The following IGF1R variants were observed in gnomAD, a reference collection of about 807,000 sequenced individuals.
IGF1R encodes the protein insulin-like growth factor 1 receptor.
Under a neutral mutation model 144.6 loss-of-function variants are expected in IGF1R, and 44 were observed. The observed-to-expected ratio is 0.30, with a 90% confidence interval of 0.24 to 0.39. The LOEUF (loss-of-function observed/expected upper bound fraction) is 0.39, where lower values mean the gene tolerates loss of function less well. Ranked by LOEUF, IGF1R falls within the 10% of genes least tolerant of loss-of-function variation. The probability of loss-of-function intolerance (pLI) is 1.00; values close to 1 mark genes in which losing one functional copy is unlikely to be tolerated. For missense variants in IGF1R, 1,355 were observed against 1,833.7 expected (o/e 0.74, Z 4.77); for synonymous variants, 795 against 722.8 (o/e 1.10, Z -1.60).
intron 1 of IGF1R, chr15:98,651,014 G>A (rs1314686744): frequency 3.0e-6 from 3 of 985,164 alleles, no homozygotes; most frequent in Admixed American, 6.2e-5. Context: ...AAGATGGTAG[G>A]GTAATTTGAA....
intron 2 of IGF1R, among the ~76,000 whole-genome samples, chr15:98,764,098 A>T (rs1039397024): frequency 6.6e-6 from 1 of 152,222 alleles, no homozygotes; most frequent in East Asian, 1.9e-4. Context: ...ATAAATAGAC[A>T]TTTAGTTTGC....
rs1438173977 is a variant in IGF1R, at chr15:98,963,731, G to C, written c.*6289G>C. 4.3e-6 allele frequency: 1 copy of C among 233,108 alleles called. No individual in the cohort carries two copies. The highest frequency in any genetic ancestry group is 8.5e-6 in the Non-Finnish European group (1 of 118,002). 14.4% of individuals were successfully genotyped at this position (233,108 alleles called of 1,614,324 possible). On this transcript the variant is annotated 3_prime_UTR_variant, in exon 21 of 21. Coordinates refer to ENST00000650285, the MANE Select transcript of IGF1R (RefSeq NM_000875.5). The stretch of plus-strand genomic sequence containing the variant: ...ATCATGACTGATTACTGCTTTGTTA[G>C]AACACAGAAGAGACCCTATTTTATT...
chr15:98,819,343 A>G (rs775149771), intron 2 of IGF1R, among the ~76,000 whole-genome samples: 10 of 152,194 alleles, frequency 6.6e-5, no homozygotes, highest in South Asian at 2.1e-4. Flanking sequence ...CCAGTAATCT[A>G]TGCATTGAAA....
intron 2 of IGF1R, among the ~76,000 whole-genome samples, chr15:98,806,344 A>G (rs1198658495): frequency 6.6e-6 from 1 of 152,176 alleles, no homozygotes; most frequent in African/African-American, 2.4e-5. Flanking sequence ...CCGAGGGCGC[A>G]CGAAGTGCTG....
intron 1 of IGF1R, among the ~76,000 whole-genome samples, chr15:98,689,234 CTTTTTTTTTTTT>C (rs890361771): frequency 9.9e-6 from 1 of 100,922 alleles, no homozygotes; most frequent in Non-Finnish European, 1.9e-5. Flanking sequence ...AGTTGCACTA[CTTTTTTTTTTTT>C]TTTTTTTTTT....
chr15:98,741,239 T>TTG (rs2054735177), intron 2 of IGF1R, among the ~76,000 whole-genome samples: 1 of 144,058 alleles, frequency 6.9e-6, no homozygotes. Flanking sequence ...CCTGAGCTTT[T>TTG]TTTTTTTTTT....
chr15:98,871,231 C>CT (rs1350290014), intron 2 of IGF1R, among the ~76,000 whole-genome samples: 1 of 152,234 alleles, frequency 6.6e-6, no homozygotes, highest in East Asian at 1.9e-4. Context: ...CTTTGAGTAA[C>CT]CTCTGATTGA....
intron 2 of IGF1R, among the ~76,000 whole-genome samples, chr15:98,841,158 AG>A (rs2011167731): frequency 6.6e-6 from 1 of 152,330 alleles, no homozygotes; most frequent in African/African-American, 2.4e-5. Flanking sequence ...CAGGGTACGA[AG>A]AAAAAAGAAA....
At chr15:98,839,220 C>T (rs992130024) in intron 2 of IGF1R, among the ~76,000 whole-genome samples, 3 of 152,230 alleles carry the variant, frequency 2.0e-5, no homozygotes, top group Non-Finnish European at 4.4e-5. Context: ...TTTATCCCCA[C>T]TTTAGAGACA....
At chr15:98,897,114 C>T (rs904877608) in intron 4 of IGF1R, among the ~76,000 whole-genome samples, 2 of 152,088 alleles carry the variant, frequency 1.3e-5, no homozygotes, top group African/African-American at 2.4e-5. Context: ...GCCATTGGCA[C>T]GTCATTTATT....
chr15:98,764,270 A>G (rs1330777154), intron 2 of IGF1R, among the ~76,000 whole-genome samples: 1 of 152,230 alleles, frequency 6.6e-6, no homozygotes, highest in Non-Finnish European at 1.5e-5. Flanking sequence ...CTTGTAATTT[A>G]TAATGGAATG....
intron 2 of IGF1R, among the ~76,000 whole-genome samples, chr15:98,740,129 G>A (rs918244677): frequency 6.6e-6 from 1 of 152,098 alleles, no homozygotes; most frequent in African/African-American, 2.4e-5. Context: ...TATTTACTTC[G>A]GAAAATAAAA....
At chr15:98,697,717 C>T (rs1339748143) in intron 1 of IGF1R, among the ~76,000 whole-genome samples, 3 of 152,192 alleles carry the variant, frequency 2.0e-5, no homozygotes, top group Admixed American at 6.5e-5. Flanking sequence ...TGGTGAAATA[C>T]GTATGACATA....
intron 2 of IGF1R, among the ~76,000 whole-genome samples, chr15:98,778,435 T>G (rs1284680913): frequency 6.6e-6 from 1 of 152,200 alleles, no homozygotes; most frequent in African/African-American, 2.4e-5. Flanking sequence ...ATCCTTCCAC[T>G]TCACAGATGA....
intron 19 of IGF1R, among the ~76,000 whole-genome samples, chr15:98,945,647 G>C (rs1423039886): frequency 6.6e-6 from 1 of 152,128 alleles, no homozygotes; most frequent in Non-Finnish European, 1.5e-5. Context: ...GTGTGGCCTT[G>C]GTTAAACCTC....
chr15:98,728,191 C>G (rs1384058920), intron 2 of IGF1R, among the ~76,000 whole-genome samples: 2 of 152,044 alleles, frequency 1.3e-5, no homozygotes, highest in South Asian at 2.1e-4. Flanking sequence ...ACACCCCCAG[C>G]TATTCAAGAT....
chr15:98,678,515 T>C (rs2141209502), intron 1 of IGF1R, among the ~76,000 whole-genome samples: 1 of 149,830 alleles, frequency 6.7e-6, no homozygotes, highest in Middle Eastern at 3.5e-3. Context: ...AAAAAAAGAA[T>C]AGTTTTTGTT....
At chr15:98,852,718 C>CCTCCCGCCGT (rs1158984643) in intron 2 of IGF1R, among the ~76,000 whole-genome samples, 15 of 152,198 alleles carry the variant, frequency 9.9e-5, no homozygotes, top group African/African-American at 3.6e-4. Context: ...CCTCCCTCCG[C>CCTCCCGCCGT]CTCCCGCCGT....
At chr15:98,757,361 A>G (rs917730337) in intron 2 of IGF1R, among the ~76,000 whole-genome samples, 6 of 152,086 alleles carry the variant, frequency 3.9e-5, no homozygotes, top group Non-Finnish European at 7.3e-5. Flanking sequence ...ATGAGGTCTC[A>G]CTATATTGGC....
Sources: allele counts gnomAD v4.1 joint callset (sites outside exome capture counted in the v4.1 genomes callset), GRCh38; gene constraint gnomAD v4.1.1; transcripts MANE v1.5; gene names NCBI Gene and HGNC (gene_info 2026-07-23, HGNC 2026-07-21).